The following SLAIN1 variants were observed in gnomAD, a reference collection of about 807,000 sequenced individuals.
SLAIN1 encodes SLAIN family member 1, also known as SLAIN motif-containing protein 1.
Under a neutral mutation model 55.4 loss-of-function variants are expected in SLAIN1, and 17 were observed. That is an observed-to-expected ratio of 0.31 (90% CI 0.21 to 0.46). SLAIN1 has a LOEUF of 0.46. Ranked by LOEUF, SLAIN1 falls within the 20% of genes least tolerant of loss-of-function variation. SLAIN1 has a pLI of 1.00. For missense variants in SLAIN1, 682 were observed against 785.1 expected (o/e 0.87, Z 1.57); for synonymous variants, 348 against 337.4 (o/e 1.03, Z -0.35).
intron 2 of SLAIN1, among the ~76,000 whole-genome samples, chr13:77,742,097 G>A (rs948902295): frequency 6.6e-6 from 1 of 152,076 alleles, no homozygotes; most frequent in Non-Finnish European, 1.5e-5. Flanking sequence ...TTGTGTGTGT[G>A]TGTGTGTGTG....
At chr13:77,721,531 A>G (rs757026490) in intron 2 of SLAIN1, among the ~76,000 whole-genome samples, 3 of 152,156 alleles carry the variant, frequency 2.0e-5, no homozygotes, top group African/African-American at 7.2e-5. Flanking sequence ...ATTTGGCTCA[A>G]TAATTTGAAG....
intron 1 of SLAIN1, among the ~76,000 whole-genome samples, chr13:77,703,277 A>C (rs1303674356): frequency 1.3e-5 from 2 of 152,170 alleles, no homozygotes; most frequent in African/African-American, 4.8e-5. Context: ...TGAGATATTC[A>C]TCTTCCACAT....
At chr13:77,736,790 G>GT (rs1321731194) in intron 2 of SLAIN1, among the ~76,000 whole-genome samples, 1 of 148,292 alleles carries the variant, frequency 6.7e-6, no homozygotes, top group East Asian at 2.0e-4. Context: ...TTCTGCATTA[G>GT]TCTTTTTTTT....
At chr13:77,711,038 C>G (rs2091143986) in intron 1 of SLAIN1, among the ~76,000 whole-genome samples, 1 of 151,996 alleles carries the variant, frequency 6.6e-6, no homozygotes, top group Non-Finnish European at 1.5e-5. Flanking sequence ...CCAATGAGAA[C>G]AAAGACACAA....
chr13:77,763,112 ATCTC>A (rs745497575), intron 6 of SLAIN1, 29 bp from the exon 7 acceptor site: 11 of 1,567,316 alleles, frequency 7.0e-6, no homozygotes, highest in African/African-American at 4.1e-5. Flanking sequence ...ATTATTAACA[ATCTC>A]TCTCTCTGTT....
chr13:77,710,934 T>C (rs888158109), intron 1 of SLAIN1, among the ~76,000 whole-genome samples: 1 of 152,202 alleles, frequency 6.6e-6, no homozygotes, highest in South Asian at 2.1e-4. Flanking sequence ...AGAAACTGAC[T>C]GAAAACCGCA....
Position 77,698,098 on chromosome 13 carries a change from T to C in SLAIN1, c.185T>C (p.Leu62Pro), listed in dbSNP as rs1174690139. Residue 62 changes from leucine (L) to proline (P), a missense_variant, in exon 1 of 7, where the codon CTG (leucine) becomes CCG (proline). By Grantham distance (98) the Leu-to-Pro change is moderately conservative (BLOSUM62 -3). This residue lies in a region of SLAIN1 where 401 missense variants were observed against 417.3 expected (regional missense o/e 0.96). Transcript: ENST00000418532. This position sits in a 1 kb window ranked among gnomAD's most constrained non-coding sequence, Gnocchi z 4.1. The stretch of plus-strand genomic sequence containing the variant: ...GCCGCCGCCCCGCACCTGCTGCTGC[T>C]GCCGCCGCCGCCGCCCGCCGCGCCG... ...SAAAAPHLLLLPPPPPAAPPP... is the reference protein window; with the variant it reads ...SAAAAPHLLLPPPPPPAAPPP... 1.1e-5 allele frequency: 12 copies of C among 1,131,670 alleles called. No homozygotes were observed. Among genetic ancestry groups the C allele is most frequent in the Middle Eastern group, 3.6e-4 (1 of 2,758 alleles). The allele number at this position is 1,131,670 out of a possible 1,614,324, so 70.1% of individuals were successfully genotyped here.
At chr13:77,710,632 C>T (rs1378649388) in intron 1 of SLAIN1, among the ~76,000 whole-genome samples, 1 of 152,156 alleles carries the variant, frequency 6.6e-6, no homozygotes, top group Non-Finnish European at 1.5e-5. Flanking sequence ...GACTCCCACA[C>T]AATAATAGTG....
Position 77,719,550 on chromosome 13 carries a change from A to C in SLAIN1, c.645A>C (p.Ser215=). 6.2e-7 allele frequency: 1 copy of C among 1,612,946 alleles called. No homozygotes were observed. Among genetic ancestry groups the C allele is most frequent in the Admixed American group, 1.7e-5 (1 of 59,898 alleles). The change falls in exon 2 of 7, where the codon TCA becomes TCC. Residue 215 remains serine, a synonymous_variant. Coordinates refer to ENST00000418532, the MANE Select transcript of SLAIN1 (RefSeq NM_001242868.2). ...DDYTWLYIGS[S]KTFTSSEKSL... ...TTTTAAGGTTATACATTGGCTCTTC[A>C]AAGACGTTCACCTCATCAGAGAAAT...
At position 77,698,259 on chromosome 13, in the gene SLAIN1, G is replaced by T; in HGVS notation, c.346G>T (p.Gly116Cys). Reference protein sequence around the residue: ...GGGGSGSGSGGGSSPAFPGTF... With the variant: ...GGGGSGSGSGCGSSPAFPGTF... ...TGGCGGCAGCGGTAGTGGCAGCGGC[G>T]GTGGCTCCAGCCCCGCGTTCCCGGG... The change falls in exon 1 of 7, where the codon GGT (glycine) becomes TGT (cysteine). Residue 116 changes from glycine to cysteine, a missense_variant. Gly to Cys is a radical substitution (Grantham distance 159). Coordinates refer to ENST00000418532, the MANE Select transcript of SLAIN1 (RefSeq NM_001242868.2). The surrounding 1 kb of genome is among the most constrained non-coding windows in gnomAD (Gnocchi z 4.1). The T allele has an allele frequency of 1.4e-6, 2 of 1,399,170 alleles. No homozygotes were observed. Among genetic ancestry groups the T allele is most frequent in the South Asian group, 1.5e-5 (1 of 68,648 alleles). 86.7% of individuals were successfully genotyped at this position (1,399,170 alleles called of 1,614,324 possible).
intron 1 of SLAIN1, chr13:77,699,146 T>C (rs2091005494): frequency 7.6e-7 from 1 of 1,317,950 alleles, no homozygotes. Flanking sequence ...TGACTTGCTT[T>C]TTAAAATGGG....
At chr13:77,721,231 T>C (rs767220485) in intron 2 of SLAIN1, among the ~76,000 whole-genome samples, 1 of 152,142 alleles carries the variant, frequency 6.6e-6, no homozygotes, top group Non-Finnish European at 1.5e-5. Flanking sequence ...TTTCACTTTC[T>C]CTCTCTCCTG....
intron 1 of SLAIN1, among the ~76,000 whole-genome samples, chr13:77,701,823 T>C (rs1287020568): frequency 1.3e-5 from 2 of 151,332 alleles, no homozygotes; most frequent in African/African-American, 4.9e-5. Context: ...TTGTGCAGGT[T>C]AGTTACATAT....
At chr13:77,719,305 TA>T (rs1270568220) in intron 1 of SLAIN1, among the ~76,000 whole-genome samples, 1 of 151,678 alleles carries the variant, frequency 6.6e-6, no homozygotes, top group Non-Finnish European at 1.5e-5. Flanking sequence ...AACACACAGT[TA>T]GGGGGAAAAT....
chr13:77,732,457 A>T (rs957488799), intron 2 of SLAIN1, among the ~76,000 whole-genome samples: 2 of 152,128 alleles, frequency 1.3e-5, no homozygotes, highest in Non-Finnish European at 2.9e-5. Flanking sequence ...GTCAGCTTGC[A>T]TTGTGGCTGT....
chr13:77,699,566 G>T (rs2091011056), intron 1 of SLAIN1, among the ~76,000 whole-genome samples: 1 of 152,158 alleles, frequency 6.6e-6, no homozygotes, highest in African/African-American at 2.4e-5. Flanking sequence ...TGATTGCATG[G>T]AAGGGATTGG....
Position 77,763,018 on chromosome 13 carries a change from G to C in SLAIN1, c.1698-127G>C, listed in dbSNP as rs537032871. The C allele has an allele frequency of 1.1e-4, 78 of 725,068 alleles. No homozygotes were observed. In the African/African-American group the frequency reaches 1.3e-3, roughly 12 times the overall value. 44.9% of individuals were successfully genotyped at this position (725,068 alleles called of 1,614,324 possible). ...TAAGTGTGAACCACAAGGTACACTT[G>C]AGATGGTGCCAGTGGCTTCTCATTA... is the stretch of plus-strand genomic sequence containing the variant. On this transcript the variant is annotated intron_variant, in intron 6 of 6. Coordinates refer to ENST00000418532, the MANE Select transcript of SLAIN1 (RefSeq NM_001242868.2).
intron 5 of SLAIN1, among the ~76,000 whole-genome samples, chr13:77,759,751 G>A (rs939981344): frequency 6.6e-6 from 1 of 151,942 alleles, no homozygotes; most frequent in Non-Finnish European, 1.5e-5. Context: ...TTTACTGATT[G>A]GCCTATGTTA....
chr13:77,705,553 T>C (rs2091080752), intron 1 of SLAIN1, among the ~76,000 whole-genome samples: 1 of 151,934 alleles, frequency 6.6e-6, no homozygotes, highest in Non-Finnish European at 1.5e-5. Flanking sequence ...AGATAGGACA[T>C]TGTAAATGTT....
Sources: allele counts gnomAD v4.1 joint callset (sites outside exome capture counted in the v4.1 genomes callset), GRCh38; gene constraint gnomAD v4.1.1; regional missense constraint gnomAD v4.1.1; non-coding constraint Gnocchi (gnomAD v3.1); transcripts MANE v1.5; gene names NCBI Gene and HGNC (gene_info 2026-07-23, HGNC 2026-07-21).